Variants in OSBPL6 observed in about 807,000 individuals in gnomAD.
OSBPL6 encodes oxysterol binding protein like 6, also known as oxysterol-binding protein-related protein 6.
Under a neutral mutation model 125.8 loss-of-function variants are expected in OSBPL6, and 49 were observed. That is an observed-to-expected ratio of 0.39 (90% CI 0.31 to 0.49). The LOEUF (loss-of-function observed/expected upper bound fraction) is 0.49, where lower values mean the gene tolerates loss of function less well. Among genes scored for constraint, OSBPL6 ranks in the 20% least tolerant of loss-of-function variants. The pLI is 0.88. For synonymous variants in OSBPL6, 394 were observed against 391.8 expected (o/e 1.01, Z -0.07); for missense variants, 986 against 1,135.4 (o/e 0.87, Z 1.89).
chr2:178,394,456 A>G (rs776696026), intron 24 of OSBPL6, 21 bp downstream of exon 24: 12 of 1,589,636 alleles, frequency 7.5e-6, no homozygotes, highest in Non-Finnish European at 9.4e-6. Flanking sequence ...TAACTCCCAT[A>G]GCAAGTTCAT....
rs1245769961 is a variant in OSBPL6, at chr2:178,401,843, A to G, written c.*6284A>G. 1 of 152,280 alleles carries G rather than the reference A, an allele frequency of 6.6e-6. No individual in the cohort carries two copies. The highest frequency in any genetic ancestry group is 6.5e-5 in the Admixed American group (1 of 15,288). 9.4% of individuals were successfully genotyped at this position (152,280 alleles called of 1,614,324 possible). On this transcript the variant is annotated 3_prime_UTR_variant, in exon 25 of 25. Transcript: ENST00000190611. Reference sequence around the variant, plus strand: ...GACATTTTAAGGTAGATGGAGAACTAAGGTGAGAGTGTGCCAGCTAAATAC... The same window carrying G: ...GACATTTTAAGGTAGATGGAGAACTGAGGTGAGAGTGTGCCAGCTAAATAC...
chr2:178,264,944 G>A (rs1427955973), intron 1 of OSBPL6, among the ~76,000 whole-genome samples: 1 of 151,924 alleles, frequency 6.6e-6, no homozygotes, highest in East Asian at 1.9e-4. Flanking sequence ...GAGTGCAATG[G>A]TGTGGTGTAA....
intron 1 of OSBPL6, among the ~76,000 whole-genome samples, chr2:178,235,711 T>C (rs2091029247): frequency 6.6e-6 from 1 of 152,202 alleles, no homozygotes; most frequent in African/African-American, 2.4e-5. Context: ...TGGCATTTTA[T>C]ACAATTTCTA....
chr2:178,339,144 C>T (rs758058970), intron 10 of OSBPL6, 50 bp downstream of exon 10: 11 of 1,172,016 alleles, frequency 9.4e-6, no homozygotes, highest in South Asian at 4.0e-5. Context: ...TTAATTAATA[C>T]TCTTTATTGG....
At chr2:178,249,856 A>G (rs1239192364) in intron 1 of OSBPL6, among the ~76,000 whole-genome samples, 1 of 129,208 alleles carries the variant, frequency 7.7e-6, no homozygotes. Flanking sequence ...GGAATCTTAT[A>G]TTAGCATACT....
chr2:178,269,490 C>T (rs1422914073), intron 1 of OSBPL6, among the ~76,000 whole-genome samples: 1 of 152,200 alleles, frequency 6.6e-6, no homozygotes, highest in Non-Finnish European at 1.5e-5. Flanking sequence ...AGTGGTCATA[C>T]CAATTCATTT....
chr2:178,222,833 A>G (rs1216205630), intron 1 of OSBPL6, among the ~76,000 whole-genome samples: 4 of 152,200 alleles, frequency 2.6e-5, no homozygotes, highest in African/African-American at 9.6e-5. Context: ...GAAATAGATA[A>G]TATTTGGTGT....
chr2:178,381,632 C>T (rs571497428), intron 15 of OSBPL6, among the ~76,000 whole-genome samples: 18 of 152,202 alleles, frequency 1.2e-4, no homozygotes, highest in South Asian at 1.0e-3. Flanking sequence ...GGATTACAGG[C>T]GTGAGCCACC....
At position 178,365,242 on chromosome 2, in the gene OSBPL6, C is replaced by T. The variant is rs539310917; in HGVS notation, c.1287+3427C>T. Reference sequence around the variant, plus strand: ...CTTTTAAAGCCTATGTTTTATTTGACATAAGTCCTATTTGATGTATGTCTA... The same window carrying T: ...CTTTTAAAGCCTATGTTTTATTTGATATAAGTCCTATTTGATGTATGTCTA... On this transcript the variant is annotated intron_variant, in intron 13 of 24. Coordinates refer to ENST00000190611, the MANE Select transcript of OSBPL6 (RefSeq NM_032523.4). Among the ~76,000 whole-genome samples the T allele has an allele frequency of 2.5e-4, 38 of 152,254 alleles. No homozygotes were observed. In the South Asian group the frequency reaches 7.9e-3, roughly 32 times the overall value.
chr2:178,321,324 G>A (rs1326489217), intron 3 of OSBPL6, among the ~76,000 whole-genome samples: 2 of 152,148 alleles, frequency 1.3e-5, no homozygotes, highest in Admixed American at 6.6e-5. Context: ...CCAGGATGAA[G>A]ATGAGCTTGT....
chr2:178,305,488 T>A (rs959239017), intron 2 of OSBPL6, among the ~76,000 whole-genome samples: 7 of 152,228 alleles, frequency 4.6e-5, no homozygotes. Context: ...GAGAGTCACA[T>A]GTAGGCATGC....
chr2:178,396,165 T>G lies in OSBPL6; in HGVS notation c.*606T>G, dbSNP rs1695834520. 2 of 163,540 alleles carry G rather than the reference T, an allele frequency of 1.2e-5. No individual in the cohort carries two copies. The highest frequency in any genetic ancestry group is 4.8e-5 in the African/African-American group (2 of 41,554). The allele number at this position is 163,540 out of a possible 1,614,324, so 10.1% of individuals were successfully genotyped here. On this transcript the variant is annotated 3_prime_UTR_variant, in exon 25 of 25. Transcript: ENST00000190611. ...CATTTTTAAAATGTGTGCTCATAGG[T>G]TTATGTGAAGAACAGATTTTTTGAA...
At chr2:178,253,484 A>G (rs1033362727) in intron 1 of OSBPL6, among the ~76,000 whole-genome samples, 1 of 152,200 alleles carries the variant, frequency 6.6e-6, no homozygotes, top group South Asian at 2.1e-4. Flanking sequence ...TAAATTTGGT[A>G]TGGGTAATGC....
chr2:178,344,111 G>A (rs116517904), intron 11 of OSBPL6, among the ~76,000 whole-genome samples: 2,215 of 152,226 alleles, frequency 0.015, 56 homozygotes, highest in African/African-American at 0.05. Context: ...TGAGAATGAT[G>A]AACATTTCTC....
At chr2:178,262,786 A>G (rs918523569) in intron 1 of OSBPL6, among the ~76,000 whole-genome samples, 9 of 152,198 alleles carry the variant, frequency 5.9e-5, no homozygotes, top group African/African-American at 2.2e-4. Context: ...TATATTCATC[A>G]TCCTAGTGAC....
At chr2:178,359,759 A>G (rs1692152443) in intron 12 of OSBPL6, among the ~76,000 whole-genome samples, 1 of 152,244 alleles carries the variant, frequency 6.6e-6, no homozygotes, top group Admixed American at 6.5e-5. Flanking sequence ...TTGCCATAGC[A>G]TGGATGGGCC....
At chr2:178,328,818 C>A (rs1384084335) in intron 5 of OSBPL6, among the ~76,000 whole-genome samples, 1 of 152,082 alleles carries the variant, frequency 6.6e-6, no homozygotes, top group Non-Finnish European at 1.5e-5. Context: ...CTTATTTTAA[C>A]CACATGGGTT....
At chr2:178,295,081 TTTATC>T (rs1422945293) in intron 2 of OSBPL6, among the ~76,000 whole-genome samples, 1 of 152,130 alleles carries the variant, frequency 6.6e-6, no homozygotes, top group East Asian at 1.9e-4. Context: ...AAGTTCCTCT[TTTATC>T]TTATTAATAT....
At chr2:178,369,188 C>T (rs1693144834) in intron 13 of OSBPL6, among the ~76,000 whole-genome samples, 1 of 152,146 alleles carries the variant, frequency 6.6e-6, no homozygotes, top group South Asian at 2.1e-4. Flanking sequence ...AACAGGGTTT[C>T]AACAATAAGA....
Sources: gnomAD v4.1 joint callset for allele counts (sites outside exome capture counted in the v4.1 genomes callset) on GRCh38, gnomAD v4.1.1 for gene constraint, MANE v1.5 for transcripts, NCBI Gene and HGNC (gene_info 2026-07-23, HGNC 2026-07-21) for gene names.